NDST4: variants seen among roughly 807,000 people sequenced by gnomAD.
The protein encoded by NDST4 is N-deacetylase and N-sulfotransferase 4.
NDST4 carries 63 observed loss-of-function variants against 100.8 expected under a neutral mutation model. The observed-to-expected ratio is 0.62, with a 90% CI of 0.51 to 0.77. The LOEUF (loss-of-function observed/expected upper bound fraction) is 0.77, where lower values mean the gene tolerates loss of function less well. Ranked by LOEUF, NDST4 falls within the 30% of genes least tolerant of loss-of-function variation. The pLI is 0.00. For synonymous variants in NDST4, 377 were observed against 361.8 expected (o/e 1.04, Z -0.48); for missense variants, 943 against 1,018.4 (o/e 0.93, Z 1.01).
intron 2 of NDST4, among the ~76,000 whole-genome samples, chr4:114,993,173 AT>A (rs1727077441): frequency 6.6e-6 from 1 of 151,822 alleles, no homozygotes; most frequent in African/African-American, 2.4e-5. Flanking sequence ...CATTACAAAT[AT>A]TTTTGCTTAT....
At chr4:115,069,706 G>A (rs1729031135) in intron 2 of NDST4, among the ~76,000 whole-genome samples, 1 of 152,048 alleles carries the variant, frequency 6.6e-6, no homozygotes, top group Non-Finnish European at 1.5e-5. Context: ...GACCAGCCCA[G>A]CCAACATGGT....
intron 2 of NDST4, among the ~76,000 whole-genome samples, chr4:115,071,135 TAA>T (rs968781072): frequency 1.3e-5 from 2 of 149,798 alleles, no homozygotes; most frequent in African/African-American, 5.1e-5. Flanking sequence ...GAAAATAAAA[TAA>T]AAAAATAAAA....
intron 4 of NDST4, among the ~76,000 whole-genome samples, chr4:114,944,362 C>T (rs1725815296): frequency 6.6e-6 from 1 of 152,206 alleles, no homozygotes. Flanking sequence ...CCCAACCCCA[C>T]ATCACATATA....
At chr4:115,105,526 C>T (rs1046619452) in intron 1 of NDST4, among the ~76,000 whole-genome samples, 7 of 152,032 alleles carry the variant, frequency 4.6e-5, no homozygotes, top group African/African-American at 1.7e-4. Flanking sequence ...ACCAGTCTTC[C>T]AGCCAACTGC....
chr4:115,112,780 A>G (rs1040129843), intron 1 of NDST4, among the ~76,000 whole-genome samples: 2 of 151,982 alleles, frequency 1.3e-5, no homozygotes, highest in African/African-American at 4.8e-5. Flanking sequence ...GAGGTATACC[A>G]TAAAGCTTTC....
chr4:114,844,681 AAAC>A (rs1394051646), intron 10 of NDST4, among the ~76,000 whole-genome samples: 1 of 152,240 alleles, frequency 6.6e-6, no homozygotes, highest in African/African-American at 2.4e-5. Flanking sequence ...CACATTAGAC[AAAC>A]AACTTTTAAT....
chr4:114,993,600 T>A (rs546526165), intron 2 of NDST4, among the ~76,000 whole-genome samples: 6 of 151,954 alleles, frequency 3.9e-5, no homozygotes, highest in Non-Finnish European at 8.8e-5. Flanking sequence ...TAGAAATACA[T>A]GTAAAATACT....
At position 114,848,437 on chromosome 4, in the gene NDST4, T is replaced by C. The variant is rs943090858; in HGVS notation, c.1817-99A>G. ...AAAAAGTAATATTAAAATAATCAAC[T>C]ATTTCCAGTATCAAAGTGATTTCCT... On this transcript the variant is annotated intron_variant, in intron 8 of 13. Coordinates refer to ENST00000264363, the MANE Select transcript of NDST4 (RefSeq NM_022569.3). The C allele has an allele frequency of 3.4e-5, 31 of 905,840 alleles. No individual in the cohort carries two copies. The African/African-American group carries it at 5.0e-4, about 15-fold the overall frequency. 56.1% of individuals were successfully genotyped at this position (905,840 alleles called of 1,614,324 possible). A position where few individuals can be genotyped will look rare whatever the true frequency, so the allele number is the denominator to read the frequency against.
Position 115,049,069 on chromosome 4 carries a change from G to A in NDST4, c.978+26990C>T, listed in dbSNP as rs181894398. The stretch of plus-strand genomic sequence containing the variant: ...GTTTTCTCTCTAATGCATGATTGAG[G>A]ATGTTCAATTATTTTTGTTGAAAGC... On this transcript the variant is annotated intron_variant, in intron 2 of 13. Transcript: ENST00000264363. Among the ~76,000 whole-genome samples the A allele has an allele frequency of 4.9e-4, 75 of 152,190 alleles. 3 individuals are homozygous for A. The East Asian group carries it at 0.014, about 29-fold the overall frequency.
At chr4:114,959,097 G>T (rs999267475) in intron 4 of NDST4, among the ~76,000 whole-genome samples, 1 of 152,110 alleles carries the variant, frequency 6.6e-6, no homozygotes, top group Admixed American at 6.5e-5. Flanking sequence ...TTTGTAACAT[G>T]TTCCTCATTT....
chr4:114,980,216 A>G (rs928064781), intron 2 of NDST4, among the ~76,000 whole-genome samples: 1 of 152,210 alleles, frequency 6.6e-6, no homozygotes, highest in Admixed American at 6.5e-5. Context: ...AAAACCCCTT[A>G]TTTTGGAAAA....
At chr4:114,886,279 G>A (rs747524960) in intron 6 of NDST4, among the ~76,000 whole-genome samples, 11 of 152,076 alleles carry the variant, frequency 7.2e-5, no homozygotes, top group Non-Finnish European at 1.5e-4. Flanking sequence ...ACTGTCTTAC[G>A]TGGTAGAAAA....
intron 6 of NDST4, among the ~76,000 whole-genome samples, chr4:114,931,875 G>T (rs556588681): frequency 6.6e-6 from 1 of 151,776 alleles, no homozygotes; most frequent in African/African-American, 2.4e-5. Flanking sequence ...GGAAAAGCTC[G>T]GGACTTAATG....
intron 7 of NDST4, among the ~76,000 whole-genome samples, chr4:114,864,566 G>T (rs1455369838): frequency 2.6e-5 from 4 of 152,122 alleles, no homozygotes; most frequent in African/African-American, 9.7e-5. Flanking sequence ...TAGATTAAGG[G>T]TGTTTATTCT....
At chr4:114,851,850 A>G (rs1484001293) in intron 8 of NDST4, among the ~76,000 whole-genome samples, 2 of 152,142 alleles carry the variant, frequency 1.3e-5, no homozygotes, top group Admixed American at 6.6e-5. Flanking sequence ...TAGTCTGGAA[A>G]TTTTGCCCAC....
chr4:114,969,260 G>C (rs1429948637), intron 4 of NDST4, among the ~76,000 whole-genome samples: 1 of 145,204 alleles, frequency 6.9e-6, no homozygotes, highest in Non-Finnish European at 1.5e-5. Context: ...CTTGCAGTGA[G>C]CCGAGATCCC....
At chr4:114,842,825 CA>C (rs907348358) in intron 10 of NDST4, 3 of 155,014 alleles carry the variant, frequency 1.9e-5, no homozygotes, top group African/African-American at 4.9e-5. Flanking sequence ...GCAACAACAA[CA>C]AAAAACTTTG....
At chr4:114,943,768 A>G (rs1725802221) in intron 4 of NDST4, among the ~76,000 whole-genome samples, 1 of 152,088 alleles carries the variant, frequency 6.6e-6, no homozygotes, top group South Asian at 2.1e-4. Context: ...CTTGAGAGAG[A>G]CTTATTTTTC....
chr4:115,085,309 A>G lies in NDST4; in HGVS notation c.-246-8027T>C, dbSNP rs550356660. Among the ~76,000 whole-genome samples, 7 of 152,342 alleles carry G rather than the reference A, an allele frequency of 4.6e-5. No homozygotes were observed. In the East Asian group the frequency reaches 1.4e-3, roughly 29 times the overall value. ...CTTTTGATTATACAGGCTCATAAAC[A>G]GAAGGGACTTGCCTTGTCTCATATG... On this transcript the variant is annotated intron_variant, in intron 1 of 13. Coordinates refer to ENST00000264363, the MANE Select transcript of NDST4 (RefSeq NM_022569.3).
Sources: gnomAD v4.1 joint callset for allele counts (sites outside exome capture counted in the v4.1 genomes callset) on GRCh38, gnomAD v4.1.1 for gene constraint, MANE v1.5 for transcripts, NCBI Gene and HGNC (gene_info 2026-07-23, HGNC 2026-07-21) for gene names.